Variants in CTNNA2 observed in about 807,000 individuals in gnomAD.
CTNNA2 encodes the protein catenin alpha-2.
A neutral mutation model predicts 101.0 loss-of-function variants in CTNNA2; 42 were observed. The ratio of observed to expected loss-of-function variants is 0.42; its 90% CI spans 0.32 to 0.54. The LOEUF is 0.54. CTNNA2 is among the 20% of genes least tolerant of loss of function. The pLI, the probability that CTNNA2 is intolerant of heterozygous loss-of-function variation, is 0.14. For missense variants in CTNNA2, 871 were observed against 1,223.1 expected (o/e 0.71, Z 4.29); for synonymous variants, 450 against 456.4 (o/e 0.99, Z 0.18).
chr2:80,609,745 T>C (rs1698307522), intron 17 of CTNNA2, among the ~76,000 whole-genome samples: 1 of 151,738 alleles, frequency 6.6e-6, no homozygotes, highest in Admixed American at 6.6e-5. Context: ...GTGCTTTCAT[T>C]TGTTACTTTC....
At chr2:80,475,220 C>T (rs2149491438) in intron 9 of CTNNA2, among the ~76,000 whole-genome samples, 1 of 152,198 alleles carries the variant, frequency 6.6e-6, no homozygotes, top group East Asian at 1.9e-4. Flanking sequence ...CAACAGTATC[C>T]CTCCACTGGA....
intron 4 of CTNNA2, among the ~76,000 whole-genome samples, chr2:79,461,782 T>C (rs573891121): frequency 6.6e-6 from 1 of 151,664 alleles, no homozygotes; most frequent in Non-Finnish European, 1.5e-5. Context: ...GAAAAGAACA[T>C]AAAGTCAAAT....
intron 2 of CTNNA2, among the ~76,000 whole-genome samples, chr2:79,710,693 A>G (rs1431817127): frequency 6.6e-6 from 1 of 152,068 alleles, no homozygotes; most frequent in East Asian, 1.9e-4. Context: ...ACCTGGTGTA[A>G]GAGGAGAAAG....
chr2:79,536,574 A>AGTATATGTGTGTGTGTGT (rs34403615), intron 1 of CTNNA2, among the ~76,000 whole-genome samples: 1 of 146,714 alleles, frequency 6.8e-6, no homozygotes, highest in South Asian at 2.2e-4. Context: ...TCTCTAAAGA[A>AGTATATGTGTGTGTGTGT]GTGTGTGTGT....
chr2:80,491,091 A>T (rs1687025914), intron 9 of CTNNA2, among the ~76,000 whole-genome samples: 1 of 152,210 alleles, frequency 6.6e-6, no homozygotes, highest in Admixed American at 6.5e-5. Context: ...GTTTTAAGTC[A>T]TTGAACAAAT....
At chr2:79,719,327 G>C (rs958572016) in intron 2 of CTNNA2, among the ~76,000 whole-genome samples, 2 of 152,128 alleles carry the variant, frequency 1.3e-5, no homozygotes, top group African/African-American at 4.8e-5. Context: ...TGGACACCTA[G>C]GTTGATTCCA....
intron 15 of CTNNA2, among the ~76,000 whole-genome samples, chr2:80,599,868 C>T (rs1697327543): frequency 6.6e-6 from 1 of 151,652 alleles, no homozygotes; most frequent in African/African-American, 2.4e-5. Context: ...TGGTGTGCTG[C>T]ACCCATTAAC....
intron 7 of CTNNA2, among the ~76,000 whole-genome samples, chr2:80,376,086 A>T (rs114884487): frequency 0.011 from 1,608 of 152,206 alleles, 27 homozygotes; most frequent in African/African-American, 0.036. Context: ...TTTGCCTTAA[A>T]CTATAAAAAT....
At chr2:80,100,641 GA>G in intron 7 of CTNNA2, among the ~76,000 whole-genome samples, 1 of 152,312 alleles carries the variant, frequency 6.6e-6, no homozygotes, top group East Asian at 1.9e-4. Context: ...CAACAGGTAA[GA>G]GGGGTCTTTG....
chr2:80,036,263 G>A (rs1695641449), intron 7 of CTNNA2, among the ~76,000 whole-genome samples: 1 of 152,162 alleles, frequency 6.6e-6, no homozygotes, highest in African/African-American at 2.4e-5. Context: ...GAGAGAATGT[G>A]TGGAAAGTTT....
intron 4 of CTNNA2, among the ~76,000 whole-genome samples, chr2:79,378,487 A>G (rs2104460991): frequency 6.6e-6 from 1 of 152,290 alleles, no homozygotes; most frequent in South Asian, 2.1e-4. Context: ...CCACTATTAC[A>G]TGCATCCAAA....
chr2:79,366,080 A>C (rs1364406018), intron 3 of CTNNA2, among the ~76,000 whole-genome samples: 6 of 152,224 alleles, frequency 3.9e-5, no homozygotes, highest in Non-Finnish European at 7.3e-5. Context: ...TCTTAAAAGA[A>C]GCCTCGTTGT....
intron 3 of CTNNA2, among the ~76,000 whole-genome samples, chr2:79,817,630 C>T (rs1279033381): frequency 6.6e-6 from 1 of 152,140 alleles, no homozygotes; most frequent in Admixed American, 6.6e-5. Context: ...CTCACAGGCA[C>T]CTTCTCTTAT....
intron 7 of CTNNA2, among the ~76,000 whole-genome samples, chr2:80,144,959 C>A (rs1703245095): frequency 1.3e-5 from 2 of 152,220 alleles, no homozygotes; most frequent in South Asian, 4.1e-4. Context: ...AGTAACACCT[C>A]TCCCCCCAGC....
At chr2:79,454,951 G>A (rs1670799710) in intron 4 of CTNNA2, among the ~76,000 whole-genome samples, 1 of 152,070 alleles carries the variant, frequency 6.6e-6, no homozygotes, top group Admixed American at 6.6e-5. Flanking sequence ...ACAGTGCAGG[G>A]GCAAAGACTG....
chr2:79,704,598 C>T (rs552076555), intron 2 of CTNNA2, among the ~76,000 whole-genome samples: 117 of 151,034 alleles, frequency 7.7e-4, no homozygotes, highest in African/African-American at 1.9e-3. Context: ...CTGCAAGCTC[C>T]GCCTCCCGGG....
chr2:79,924,677 T>C (rs1306772865), intron 7 of CTNNA2, among the ~76,000 whole-genome samples: 2 of 152,088 alleles, frequency 1.3e-5, no homozygotes, highest in Non-Finnish European at 2.9e-5. Flanking sequence ...CAAGATAAAA[T>C]GATCAAAGTG....
intron 7 of CTNNA2, among the ~76,000 whole-genome samples, chr2:80,301,610 AT>A (rs1354596042): frequency 4.6e-5 from 7 of 152,166 alleles, no homozygotes; most frequent in African/African-American, 1.7e-4. Flanking sequence ...AGGTGGTTAG[AT>A]TGCACTGTCC....
At position 80,109,033 on chromosome 2, in the gene CTNNA2, C is replaced by T. The variant is rs112202091; in HGVS notation, c.1056+199236C>T. Among the ~76,000 whole-genome samples the T allele has an allele frequency of 2.5e-3, 388 of 152,318 alleles. 3 individuals are homozygous for T. The highest frequency in any genetic ancestry group is 8.5e-3 in the African/African-American group (353 of 41,578). ...ACTTCCCTTTGAAAAGCTGCCTCCA[C>T]CGACTGGGACCCTGGTCATTAGAAT... On this transcript the variant is annotated intron_variant, in intron 7 of 18. Coordinates refer to ENST00000402739, the MANE Select transcript of CTNNA2 (RefSeq NM_001282597.3).
Sources: allele counts gnomAD v4.1 joint callset (sites outside exome capture counted in the v4.1 genomes callset), GRCh38; gene constraint gnomAD v4.1.1; transcripts MANE v1.5; gene names NCBI Gene and HGNC (gene_info 2026-07-23, HGNC 2026-07-21).